Variants in RASAL2 observed in about 807,000 individuals in gnomAD.
The protein encoded by RASAL2 is ras GTPase-activating protein nGAP.
In RASAL2, 58 loss-of-function variants were observed where a neutral mutation model predicts 128.9. The observed-to-expected ratio is 0.45, with a 90% CI of 0.36 to 0.56. The LOEUF (loss-of-function observed/expected upper bound fraction) is 0.56, where lower values mean the gene tolerates loss of function less well. Ranked by LOEUF, RASAL2 falls within the 20% of genes least tolerant of loss-of-function variation. The pLI, the probability that RASAL2 is intolerant of heterozygous loss-of-function variation, is 0.00. For missense variants in RASAL2, 1,360 were observed against 1,601.6 expected, an observed-to-expected ratio of 0.85 and a Z score of 2.57; for synonymous variants, 561 against 580.8, an observed-to-expected ratio of 0.97 and a Z score of 0.49.
At chr1:178,453,881 T>C (rs1677571952) in intron 11 of RASAL2, among the ~76,000 whole-genome samples, 1 of 152,092 alleles carries the variant, frequency 6.6e-6, no homozygotes, top group Non-Finnish European at 1.5e-5. Flanking sequence ...TATTTTAATT[T>C]TGTATAATTT....
chr1:178,188,976 A>T (rs1181224534), intron 1 of RASAL2, among the ~76,000 whole-genome samples: 2 of 152,148 alleles, frequency 1.3e-5, no homozygotes, highest in Non-Finnish European at 2.9e-5. Flanking sequence ...ATTGAGACCC[A>T]TATGGTAGTT....
At chr1:178,236,133 G>C (rs1007232057) in intron 1 of RASAL2, among the ~76,000 whole-genome samples, 1 of 152,048 alleles carries the variant, frequency 6.6e-6, no homozygotes, top group Admixed American at 6.6e-5. Context: ...CCAGAAGATA[G>C]TCTCTTTTGT....
chr1:178,182,529 C>T (rs1056348154), intron 1 of RASAL2, among the ~76,000 whole-genome samples: 4 of 152,110 alleles, frequency 2.6e-5, no homozygotes, highest in Admixed American at 6.5e-5. Flanking sequence ...TATTGATAAG[C>T]ATTTCTGTAT....
At chr1:178,175,364 A>G (rs1297274466) in intron 1 of RASAL2, among the ~76,000 whole-genome samples, 1 of 151,650 alleles carries the variant, frequency 6.6e-6, no homozygotes, top group Non-Finnish European at 1.5e-5. Context: ...TCCAAATTTC[A>G]CAGGACTCTC....
chr1:178,165,729 A>G (rs944540434), intron 1 of RASAL2, among the ~76,000 whole-genome samples: 1 of 152,162 alleles, frequency 6.6e-6, no homozygotes, highest in Non-Finnish European at 1.5e-5. Flanking sequence ...TTGATATTCA[A>G]TGAATGTTTG....
At chr1:178,204,338 G>T (rs544750900) in intron 1 of RASAL2, among the ~76,000 whole-genome samples, 2 of 152,262 alleles carry the variant, frequency 1.3e-5, no homozygotes, top group East Asian at 1.9e-4. Flanking sequence ...TTGACAAGGG[G>T]TGGACTTGTG....
At chr1:178,283,895 C>T (rs1333210598) in intron 2 of RASAL2, among the ~76,000 whole-genome samples, 2 of 152,038 alleles carry the variant, frequency 1.3e-5, no homozygotes, top group Non-Finnish European at 2.9e-5. Flanking sequence ...GCTGGATTTT[C>T]ACTAAGAAAC....
At chr1:178,214,019 G>T (rs886718818) in intron 1 of RASAL2, among the ~76,000 whole-genome samples, 7 of 151,976 alleles carry the variant, frequency 4.6e-5, no homozygotes, top group African/African-American at 1.2e-4. Context: ...AGGATTGATA[G>T]CAATCCTTTG....
intron 1 of RASAL2, among the ~76,000 whole-genome samples, chr1:178,112,244 G>A (rs1186177901): frequency 1.3e-5 from 2 of 151,960 alleles, no homozygotes; most frequent in African/African-American, 4.8e-5. Flanking sequence ...TTGTACTTTT[G>A]CTATTTTATT....
chr1:178,463,535 A>G (rs1647329109), intron 14 of RASAL2, among the ~76,000 whole-genome samples: 1 of 152,184 alleles, frequency 6.6e-6, no homozygotes, highest in African/African-American at 2.4e-5. Flanking sequence ...TAGATTAGGA[A>G]AATAGACTAC....
At chr1:178,471,898 GAACTTTACCATGACTA>G (rs1450325677) in intron 17 of RASAL2, among the ~76,000 whole-genome samples, 3 of 152,114 alleles carry the variant, frequency 2.0e-5, no homozygotes, top group African/African-American at 4.8e-5. Flanking sequence ...CTTCCTCTCT[GAACTTTACCATGACTA>G]AACTTTACCA....
At chr1:178,120,278 G>C (rs1450691470) in intron 1 of RASAL2, among the ~76,000 whole-genome samples, 2 of 152,148 alleles carry the variant, frequency 1.3e-5, no homozygotes, top group Non-Finnish European at 2.9e-5. Flanking sequence ...TTTAAGTGTA[G>C]ATTTCTTTTT....
intron 1 of RASAL2, among the ~76,000 whole-genome samples, chr1:178,102,557 A>G (rs1658942569): frequency 6.6e-6 from 1 of 152,008 alleles, no homozygotes; most frequent in Non-Finnish European, 1.5e-5. Flanking sequence ...ATTGTGTTTT[A>G]TTCCAGTCTT....
chr1:178,272,641 C>G (rs1273763422), intron 1 of RASAL2, among the ~76,000 whole-genome samples: 1 of 152,106 alleles, frequency 6.6e-6, no homozygotes, highest in Admixed American at 6.5e-5. Flanking sequence ...TAAAATCCAA[C>G]TATTTGGCCA....
intron 3 of RASAL2, among the ~76,000 whole-genome samples, chr1:178,321,624 C>T (rs1668785681): frequency 6.6e-6 from 1 of 152,056 alleles, no homozygotes; most frequent in Admixed American, 6.5e-5. Context: ...TGATCCTCCC[C>T]TGCCTCAGCC....
chr1:178,225,909 A>C (rs1444675821), intron 1 of RASAL2, among the ~76,000 whole-genome samples: 1 of 152,082 alleles, frequency 6.6e-6, no homozygotes, highest in Non-Finnish European at 1.5e-5. Flanking sequence ...GGATTACTGT[A>C]TCTTTGATTC....
intron 3 of RASAL2, among the ~76,000 whole-genome samples, chr1:178,384,691 CA>C (rs796296746): frequency 3.6e-5 from 5 of 140,672 alleles, no homozygotes; most frequent in East Asian, 2.0e-4. Context: ...CACACACACA[CA>C]AAAAAAAAAC....
At chr1:178,359,233 G>A (rs896090298) in intron 3 of RASAL2, among the ~76,000 whole-genome samples, 49 of 152,158 alleles carry the variant, frequency 3.2e-4, no homozygotes, top group African/African-American at 1.1e-3. Context: ...CCATTCATTT[G>A]GAAAAGTAAA....
chr1:178,264,724 A>C lies in RASAL2; in HGVS notation c.203-18840A>C, dbSNP rs1486400284. Among the ~76,000 whole-genome samples, 3 of 152,160 alleles carry C rather than the reference A, an allele frequency of 2.0e-5. No homozygotes were observed. In the East Asian group the frequency reaches 5.8e-4, roughly 29 times the overall value. ...TCCTGGCATGTGGATGTATTCACCAACCTGGGAGCTCTCTGAACCCCACTG... is the reference window on the plus strand; with the variant it reads ...TCCTGGCATGTGGATGTATTCACCACCCTGGGAGCTCTCTGAACCCCACTG... On this transcript the variant is annotated intron_variant, in intron 1 of 17. Transcript: ENST00000367649.
Sources: gnomAD v4.1 joint callset for allele counts (sites outside exome capture counted in the v4.1 genomes callset) on GRCh38, gnomAD v4.1.1 for gene constraint, MANE v1.5 for transcripts, NCBI Gene and HGNC (gene_info 2026-07-23, HGNC 2026-07-21) for gene names.